KLF8: variants seen among roughly 807,000 people sequenced by gnomAD.
KLF8 encodes the protein KLF transcription factor 8.
KLF8 carries 10 observed loss-of-function variants against 18.2 expected under a neutral mutation model. The observed-to-expected ratio is 0.55, with a 90% CI of 0.34 to 0.93. The LOEUF is 0.93. Among genes scored for constraint, KLF8 ranks in the 40% least tolerant of loss-of-function variants. KLF8 has a pLI of 0.02. For missense variants in KLF8, 264 were observed against 277.9 expected (o/e 0.95, Z 0.36); for synonymous variants, 109 against 97.3 (o/e 1.12, Z -0.71).
At chrX:56,144,600 A>C in the KLF8 span, among the ~76,000 whole-genome samples, 1 of 106,229 alleles carries the variant, frequency 9.4e-6, no homozygotes, top group Non-Finnish European at 1.9e-5. Flanking sequence ...ATACAAACAA[A>C]AACTTAGCCA....
the KLF8 span, among the ~76,000 whole-genome samples, chrX:56,078,558 G>A: frequency 9.0e-6 from 1 of 111,601 alleles, no homozygotes; most frequent in Non-Finnish European, 1.9e-5. Context: ...ATTTTATTGA[G>A]GATTTTTGCA....
At chrX:56,269,151 A>G in intron 3 of KLF8, 1 of 990,864 alleles carries the variant, frequency 1.0e-6, no homozygotes, top group Non-Finnish European at 1.3e-6. Context: ...AGAACTCTTC[A>G]TACTACTCTT....
At chrX:55,933,599 T>G in the KLF8 span, among the ~76,000 whole-genome samples, 2 of 112,469 alleles carry the variant, frequency 1.8e-5, no homozygotes, top group Non-Finnish European at 3.8e-5. Context: ...TCAGAAATTT[T>G]GGAATTTACT....
the KLF8 span, among the ~76,000 whole-genome samples, chrX:56,053,393 A>G: frequency 2.7e-5 from 3 of 111,550 alleles, no homozygotes; most frequent in Non-Finnish European, 3.8e-5. Context: ...GTTTTTTAAT[A>G]TGCTGCCAGC....
chrX:56,267,265 C>G, intron 3 of KLF8: 1 of 683,545 alleles, frequency 1.5e-6, no homozygotes, highest in South Asian at 7.6e-5. Context: ...TAAAGACATA[C>G]TCGAGACTGG....
intron 2 of KLF8, among the ~76,000 whole-genome samples, chrX:56,259,991 G>A (rs1057208858): frequency 9.0e-6 from 1 of 110,924 alleles, no homozygotes; most frequent in African/African-American, 3.3e-5. Context: ...TCAGGGTCAT[G>A]CTGCCTCTGA....
chrX:56,212,881 C>T, the KLF8 span, among the ~76,000 whole-genome samples: 1 of 111,635 alleles, frequency 9.0e-6, no homozygotes, highest in South Asian at 3.7e-4. Flanking sequence ...CATCTTGCTC[C>T]ACCTCTCAGC....
the KLF8 span, among the ~76,000 whole-genome samples, chrX:55,962,885 GA>G: frequency 1.8e-5 from 2 of 112,642 alleles, no homozygotes; most frequent in Admixed American, 1.9e-4. Context: ...AGCTTTGAGA[GA>G]AGACCTACTT....
chrX:56,160,825 G>C, the KLF8 span, among the ~76,000 whole-genome samples: 1 of 110,971 alleles, frequency 9.0e-6, no homozygotes, highest in Non-Finnish European at 1.9e-5. Context: ...CACACTGATG[G>C]GTCTTGACTC....
the KLF8 span, among the ~76,000 whole-genome samples, chrX:56,045,171 T>A: frequency 3.6e-5 from 4 of 111,777 alleles, no homozygotes; most frequent in African/African-American, 6.5e-5. Flanking sequence ...CTTCACTTTA[T>A]GTTTTTGTTT....
chrX:56,153,386 T>G, the KLF8 span, among the ~76,000 whole-genome samples: 3 of 110,850 alleles, frequency 2.7e-5, no homozygotes, highest in Non-Finnish European at 5.7e-5. Flanking sequence ...TTGCCTTACT[T>G]TTCAGCAGAT....
the KLF8 span, among the ~76,000 whole-genome samples, chrX:56,024,022 A>G: frequency 1.8e-5 from 2 of 111,633 alleles, no homozygotes; most frequent in Non-Finnish European, 3.8e-5. Flanking sequence ...GGATATATAC[A>G]TTTTAATATT....
the KLF8 span, among the ~76,000 whole-genome samples, chrX:56,082,562 T>C: frequency 9.0e-6 from 1 of 110,763 alleles, no homozygotes; most frequent in East Asian, 2.8e-4. Flanking sequence ...TAATTCAAGA[T>C]CTTTCTTTTT....
At chrX:56,284,188 T>A in intron 5 of KLF8, 125 bp from the exon 6 acceptor site, 2 of 473,293 alleles carry the variant, frequency 4.2e-6, no homozygotes, top group Non-Finnish European at 6.7e-6. Flanking sequence ...TACAGGCATA[T>A]GCCTTCAAGG....
chrX:56,093,365 C>A, the KLF8 span, among the ~76,000 whole-genome samples: 1 of 111,219 alleles, frequency 9.0e-6, no homozygotes, highest in African/African-American at 3.2e-5. Flanking sequence ...TCAGATTTCT[C>A]TTCATAAGTC....
At chrX:56,119,698 C>A in the KLF8 span, among the ~76,000 whole-genome samples, 1 of 109,469 alleles carries the variant, frequency 9.1e-6, no homozygotes. Flanking sequence ...CCGCGCCTGG[C>A]CTATTTTTAG....
the KLF8 span, among the ~76,000 whole-genome samples, chrX:56,202,687 T>C: frequency 2.7e-5 from 3 of 110,025 alleles, no homozygotes; most frequent in Non-Finnish European, 3.8e-5. Context: ...CATGTAATGT[T>C]TGTCTTTCTG....
chrX:56,108,908 C>T, the KLF8 span, among the ~76,000 whole-genome samples: 65 of 111,837 alleles, frequency 5.8e-4, no homozygotes, highest in African/African-American at 2.0e-3. Context: ...TTTCTTTGGG[C>T]TATTCTCTAA....
the KLF8 span, among the ~76,000 whole-genome samples, chrX:56,054,216 G>T: frequency 9.1e-6 from 1 of 110,467 alleles, no homozygotes; most frequent in Non-Finnish European, 1.9e-5. Context: ...TTTTGATATG[G>T]GCAATTAGTG....
Sources: allele counts gnomAD v4.1 joint callset (sites outside exome capture counted in the v4.1 genomes callset), GRCh38; gene constraint gnomAD v4.1.1; transcripts MANE v1.5; gene names NCBI Gene and HGNC (gene_info 2026-07-23, HGNC 2026-07-21).